Variants in EXT1 observed in about 807,000 individuals in gnomAD.
EXT1 encodes the protein exostosin glycosyltransferase 1.
A neutral mutation model predicts 82.5 loss-of-function variants in EXT1; 20 were observed. The ratio of observed to expected loss-of-function variants is 0.24; its 90% CI spans 0.17 to 0.35. The LOEUF (loss-of-function observed/expected upper bound fraction) is 0.35. Ranked by LOEUF, EXT1 falls within the 10% of genes least tolerant of loss-of-function variation. The pLI is 1.00. For synonymous variants in EXT1, 348 were observed against 350.8 expected (o/e 0.99, Z 0.09); for missense variants, 757 against 936.5 (o/e 0.81, Z 2.50).
chr8:117,886,851 A>G (rs1412760553), intron 1 of EXT1, among the ~76,000 whole-genome samples: 1 of 152,216 alleles, frequency 6.6e-6, no homozygotes, highest in Admixed American at 6.5e-5. Flanking sequence ...CTAGCTGGAA[A>G]ACCCAAATAA....
intron 1 of EXT1, among the ~76,000 whole-genome samples, chr8:117,881,404 C>T (rs1258918543): frequency 6.6e-6 from 1 of 152,134 alleles, no homozygotes; most frequent in African/African-American, 2.4e-5. Context: ...ACATAAATAC[C>T]AGTTGAATGA....
intron 1 of EXT1, among the ~76,000 whole-genome samples, chr8:118,096,627 GAAGGAAGGAAGGA>G (rs1563654845): frequency 1.5e-4 from 12 of 82,522 alleles, no homozygotes; most frequent in South Asian, 5.7e-4. Flanking sequence ...AAGGAGGAAG[GAAGGAAGGAAGGA>G]AGGAAGGAAG....
At chr8:117,832,994 C>T (rs1812126622) in intron 3 of EXT1, among the ~76,000 whole-genome samples, 1 of 152,156 alleles carries the variant, frequency 6.6e-6, no homozygotes, top group South Asian at 2.1e-4. Flanking sequence ...TCACATTAAG[C>T]TCTCTTGGTG....
chr8:118,064,372 C>T (rs1308084540), intron 1 of EXT1, among the ~76,000 whole-genome samples: 2 of 152,096 alleles, frequency 1.3e-5, no homozygotes, highest in African/African-American at 4.8e-5. Flanking sequence ...TGTGCCCCTC[C>T]CTGTGTCCAT....
chr8:118,102,912 T>C (rs1405368907), intron 1 of EXT1, among the ~76,000 whole-genome samples: 1 of 152,100 alleles, frequency 6.6e-6, no homozygotes, highest in Non-Finnish European at 1.5e-5. Context: ...CTCAGCACTT[T>C]GGGAGGCCGA....
intron 8 of EXT1, among the ~76,000 whole-genome samples, chr8:117,807,982 T>A (rs900350570): frequency 1.3e-5 from 2 of 152,110 alleles, no homozygotes; most frequent in Admixed American, 6.5e-5. Flanking sequence ...GAAGAAAGCA[T>A]CAACAGTGAA....
chr8:118,026,051 T>A (rs1165714345), intron 1 of EXT1, among the ~76,000 whole-genome samples: 1 of 152,174 alleles, frequency 6.6e-6, no homozygotes, highest in Non-Finnish European at 1.5e-5. Context: ...GAGGGCTGTT[T>A]CTTCAGTTAC....
At chr8:118,033,531 T>C (rs17505352) in intron 1 of EXT1, among the ~76,000 whole-genome samples, 3,122 of 152,264 alleles carry the variant, frequency 0.021, 109 homozygotes, top group African/African-American at 0.071. Context: ...CAAGCTGGAG[T>C]GCAGTGGCAT....
intron 1 of EXT1, among the ~76,000 whole-genome samples, chr8:117,914,422 A>G (rs1186149591): frequency 6.6e-6 from 1 of 152,154 alleles, no homozygotes; most frequent in African/African-American, 2.4e-5. Flanking sequence ...ACAGAATAAC[A>G]GTGATTTTTA....
chr8:117,895,412 G>C (rs1457607903), intron 1 of EXT1, among the ~76,000 whole-genome samples: 1 of 152,098 alleles, frequency 6.6e-6, no homozygotes, highest in Non-Finnish European at 1.5e-5. Context: ...AAGACAATTT[G>C]ACAGGCATGG....
chr8:118,055,308 T>C lies in EXT1; in HGVS notation c.962+54777A>G, dbSNP rs182840973. On this transcript the variant is annotated intron_variant, in intron 1 of 10. Coordinates refer to ENST00000378204, the MANE Select transcript of EXT1 (RefSeq NM_000127.3). ...TTGGGATCATCCATGTCAGCATGTA[T>C]CAATAGTTTGTTCTCTTTTATTGCT... is the stretch of plus-strand genomic sequence containing the variant. Among the ~76,000 whole-genome samples, 92 of 152,346 alleles carry C rather than the reference T, an allele frequency of 6.0e-4. 1 individual carries two copies. In the Middle Eastern group the frequency reaches 0.02, roughly 34 times the overall value.
intron 4 of EXT1, among the ~76,000 whole-genome samples, chr8:117,829,574 T>C (rs867574437): frequency 8.4e-5 from 10 of 119,012 alleles, no homozygotes; most frequent in East Asian, 7.6e-4. Flanking sequence ...TTTTTCTTTT[T>C]TTTTTTTTTT....
At chr8:118,001,105 A>G (rs1815655853) in intron 1 of EXT1, among the ~76,000 whole-genome samples, 1 of 152,214 alleles carries the variant, frequency 6.6e-6, no homozygotes, top group African/African-American at 2.4e-5. Flanking sequence ...ATAGATGAGT[A>G]TTATTAACTC....
At chr8:117,911,428 G>A (rs1813644994) in intron 1 of EXT1, among the ~76,000 whole-genome samples, 2 of 152,076 alleles carry the variant, frequency 1.3e-5, no homozygotes, top group South Asian at 4.2e-4. Context: ...GGCCAGTTCC[G>A]ATTCCCTATC....
At chr8:118,077,062 C>T (rs1028761794) in intron 1 of EXT1, among the ~76,000 whole-genome samples, 3 of 152,136 alleles carry the variant, frequency 2.0e-5, no homozygotes, top group Admixed American at 1.3e-4. Flanking sequence ...CCAAAAAGTA[C>T]ATTTCAGAGT....
intron 1 of EXT1, among the ~76,000 whole-genome samples, chr8:117,918,852 A>G (rs1216073386): frequency 6.6e-6 from 1 of 152,196 alleles, no homozygotes; most frequent in African/African-American, 2.4e-5. Context: ...CAGATGTCTT[A>G]TTACATATGA....
chr8:117,969,423 CT>C (rs1405882101), intron 1 of EXT1, among the ~76,000 whole-genome samples: 23 of 152,280 alleles, frequency 1.5e-4, no homozygotes, highest in Non-Finnish European at 2.9e-4. Flanking sequence ...CAACCACAGC[CT>C]TGAGACCCTC....
At chr8:117,863,094 C>G (rs1020628667) in intron 1 of EXT1, among the ~76,000 whole-genome samples, 4 of 147,254 alleles carry the variant, frequency 2.7e-5, no homozygotes, top group East Asian at 1.9e-4. Context: ...CCACAGAAAA[C>G]ACAAACACAA....
Position 117,963,317 on chromosome 8 carries a change from C to A in EXT1, c.963-126116G>T, listed in dbSNP as rs981553033. 3.9e-5 allele frequency among the ~76,000 whole-genome samples: 6 copies of A among 152,300 alleles called. No individual in the cohort carries two copies. In the South Asian group the frequency reaches 6.2e-4, roughly 16 times the overall value. ...CCAACTAGCTGCCACTGGACCATTT[C>A]TGTACATAAGGTGGTTCTCCTGTCC... On this transcript the variant is annotated intron_variant, in intron 1 of 10. Transcript: ENST00000378204.
Sources: gnomAD v4.1 joint callset for allele counts (sites outside exome capture counted in the v4.1 genomes callset) on GRCh38, gnomAD v4.1.1 for gene constraint, MANE v1.5 for transcripts, NCBI Gene and HGNC (gene_info 2026-07-23, HGNC 2026-07-21) for gene names.